The following KCNN3 variants were observed in gnomAD, a reference collection of about 807,000 sequenced individuals.
KCNN3 encodes the protein small conductance calcium-activated potassium channel protein 3.
In KCNN3, 16 loss-of-function variants were observed where a neutral mutation model predicts 62.9. The ratio of observed to expected loss-of-function variants is 0.25; its 90% CI spans 0.17 to 0.39. The LOEUF is 0.39. Ranked by LOEUF, KCNN3 falls within the 10% of genes least tolerant of loss-of-function variation. The pLI is 1.00. For synonymous variants in KCNN3, 370 were observed against 389.2 expected (o/e 0.95, Z 0.58); for missense variants, 599 against 949.4 (o/e 0.63, Z 4.85).
intron 7 of KCNN3, among the ~76,000 whole-genome samples, chr1:154,712,260 C>T (rs1465589248): frequency 6.6e-6 from 1 of 152,124 alleles, no homozygotes; most frequent in Non-Finnish European, 1.5e-5. Flanking sequence ...TAAACCTAGT[C>T]CCAGCGGGTT....
intron 1 of KCNN3, among the ~76,000 whole-genome samples, chr1:154,825,387 A>G (rs1179870399): frequency 2.2e-5 from 3 of 133,718 alleles, no homozygotes; most frequent in Non-Finnish European, 4.7e-5. Flanking sequence ...TTTTTTTGAG[A>G]CAGAGTCTTG....
chr1:154,822,953 C>A (rs111981849), intron 1 of KCNN3, among the ~76,000 whole-genome samples: 3 of 152,322 alleles, frequency 2.0e-5, no homozygotes, highest in South Asian at 2.1e-4. Flanking sequence ...CCCAGCCCTG[C>A]GACAGCCATT....
At chr1:154,734,400 C>T (rs1316390797) in intron 3 of KCNN3, among the ~76,000 whole-genome samples, 1 of 152,198 alleles carries the variant, frequency 6.6e-6, no homozygotes, top group African/African-American at 2.4e-5. Context: ...ATTTAGGAAC[C>T]TTAATCTATG....
At chr1:154,784,203 C>T (rs1649181485) in intron 2 of KCNN3, among the ~76,000 whole-genome samples, 2 of 152,156 alleles carry the variant, frequency 1.3e-5, no homozygotes, top group Non-Finnish European at 2.9e-5. Context: ...ATGTGCTCCA[C>T]CCCAGCCATC....
chr1:154,774,422 T>A (rs184841094), intron 2 of KCNN3, among the ~76,000 whole-genome samples: 4 of 152,348 alleles, frequency 2.6e-5, no homozygotes, highest in Non-Finnish European at 4.4e-5. Flanking sequence ...GGACTTCACA[T>A]CCTTCCCCTC....
chr1:154,754,711 C>A (rs982971657), intron 3 of KCNN3, among the ~76,000 whole-genome samples: 1 of 152,190 alleles, frequency 6.6e-6, no homozygotes, highest in East Asian at 1.9e-4. Flanking sequence ...AAGGAGCCTG[C>A]GTCCCTGATG....
intron 6 of KCNN3, 57 bp downstream of exon 6, chr1:154,714,819 G>T: frequency 6.2e-7 from 1 of 1,608,630 alleles, no homozygotes; most frequent in African/African-American, 1.3e-5. Context: ...AGAGTTGTAG[G>T]AGTCCCGCCA....
intron 3 of KCNN3, among the ~76,000 whole-genome samples, chr1:154,735,140 G>A (rs917940961): frequency 2.6e-5 from 4 of 152,196 alleles, no homozygotes; most frequent in Admixed American, 6.5e-5. Context: ...AAGAATGGTC[G>A]GCGGGTGGCG....
At chr1:154,723,024 C>T (rs755129430) in intron 5 of KCNN3, among the ~76,000 whole-genome samples, 4 of 152,194 alleles carry the variant, frequency 2.6e-5, no homozygotes, top group Non-Finnish European at 5.9e-5. Context: ...GCCACCGCAC[C>T]CGGCTGCTTA....
In KCNN3 at chr1:154,734,532, G is replaced by A. The variant is rs536407238; in HGVS notation, c.1449-1388C>T. ...CATCAGGAATCTCCATGCCCCCACA[G>A]GGTCTGTGCCCAGCGAGTGATAGGC... is the stretch of plus-strand genomic sequence containing the variant. On this transcript the variant is annotated intron_variant, in intron 3 of 7. Transcript: ENST00000271915. 2.0e-5 allele frequency among the ~76,000 whole-genome samples: 3 copies of A among 152,314 alleles called. No individual in the cohort carries two copies. In the East Asian group the frequency reaches 5.8e-4, roughly 29 times the overall value.
chr1:154,741,512 A>C lies in KCNN3; in HGVS notation c.1449-8368T>G, dbSNP rs918210574. 6.6e-5 allele frequency among the ~76,000 whole-genome samples: 10 copies of C among 152,330 alleles called. No individual in the cohort carries two copies. In the East Asian group the frequency reaches 1.7e-3, roughly 26 times the overall value. On this transcript the variant is annotated intron_variant, in intron 3 of 7. Coordinates refer to ENST00000271915, the MANE Select transcript of KCNN3 (RefSeq NM_002249.6). ...AATGATTTCAGCTGTTCTCTTCAGC[A>C]GATTAAACCTTTGTCAAGGTGGCTG...
rs866979236 is a variant in KCNN3, at chr1:154,869,716, A to C, written c.249T>G (p.His83Gln). 5.3e-6 allele frequency: 3 copies of C among 571,012 alleles called. No homozygotes were observed. In the East Asian group the frequency reaches 1.8e-4, roughly 34 times the overall value. The allele number at this position is 571,012 out of a possible 1,614,324, so 35.4% of individuals were successfully genotyped here. A position where few individuals can be genotyped will look rare whatever the true frequency, so the allele number is the denominator to read the frequency against. ...QQQQQQQQPP[H>Q]PLSQLAQLQS... ...GGAGTTGGGCGAGCTGAGACAGGGGATGCGGTGGCTGCTGCTGCTGCTGCT... is the reference window on the plus strand; with the variant it reads ...GGAGTTGGGCGAGCTGAGACAGGGGCTGCGGTGGCTGCTGCTGCTGCTGCT... Residue 83 changes from histidine (H) to glutamine (Q), a missense_variant, in exon 1 of 8, where the codon CAT (histidine) becomes CAG (glutamine). By Grantham distance (24) the His-to-Gln change is conservative. Around this residue, in one of 7 missense-constraint regions of KCNN3, gnomAD observed 112 missense variants for 142.9 expected, o/e 0.78. Coordinates refer to ENST00000271915, the MANE Select transcript of KCNN3 (RefSeq NM_002249.6). This position sits in a 1 kb window ranked among gnomAD's most constrained non-coding sequence, Gnocchi z 6.1.
At chr1:154,827,906 C>T (rs1651203939) in intron 1 of KCNN3, among the ~76,000 whole-genome samples, 1 of 152,166 alleles carries the variant, frequency 6.6e-6, no homozygotes, top group African/African-American at 2.4e-5. Context: ...CAGAAGTCAG[C>T]TAACAGAATC....
chr1:154,818,209 G>A (rs1557991276), intron 2 of KCNN3, among the ~76,000 whole-genome samples: 2 of 152,228 alleles, frequency 1.3e-5, no homozygotes, highest in Non-Finnish European at 2.9e-5. Context: ...GGGAGACTGA[G>A]GAGAGATGGG....
intron 7 of KCNN3, among the ~76,000 whole-genome samples, chr1:154,709,409 C>A (rs951838092): frequency 2.6e-5 from 4 of 152,068 alleles, no homozygotes; most frequent in Non-Finnish European, 4.4e-5. Context: ...GCCAGTGACA[C>A]CCCGATCCTA....
chr1:154,787,142 G>A (rs968521484), intron 2 of KCNN3, among the ~76,000 whole-genome samples: 6 of 152,220 alleles, frequency 3.9e-5, no homozygotes, highest in Non-Finnish European at 7.3e-5. Context: ...ATTAAACAAG[G>A]CACTTATTTC....
At chr1:154,791,444 C>T (rs1256053819) in intron 2 of KCNN3, among the ~76,000 whole-genome samples, 1 of 152,018 alleles carries the variant, frequency 6.6e-6, no homozygotes, top group African/African-American at 2.4e-5. Context: ...GGCTGCCTCC[C>T]GCTGGCTGTG....
At chr1:154,800,619 C>T (rs1002437065) in intron 2 of KCNN3, among the ~76,000 whole-genome samples, 2 of 152,130 alleles carry the variant, frequency 1.3e-5, no homozygotes, top group African/African-American at 2.4e-5. Flanking sequence ...GACACTGGCA[C>T]CTCCTACCTG....
Position 154,869,211 on chromosome 1 carries a change from T to C in KCNN3, c.754A>G (p.Ser252Gly). ...NHQHAGTTAS[S>G]TTFPKANKRK... is the part of the protein sequence containing the mutation. Reference sequence around the variant, plus strand: ...TTGTTGGCTTTGGGGAAGGTGGTGCTGCTGGCGGTGGTGCCGGCATGCTGG... The same window carrying C: ...TTGTTGGCTTTGGGGAAGGTGGTGCCGCTGGCGGTGGTGCCGGCATGCTGG... The change falls in exon 1 of 8, where the codon AGC (serine) becomes GGC (glycine). Residue 252 changes from serine to glycine, a missense_variant. Ser to Gly is a moderately conservative substitution (Grantham distance 56). Coordinates refer to ENST00000271915, the MANE Select transcript of KCNN3 (RefSeq NM_002249.6). The surrounding 1 kb of genome is among the most constrained non-coding windows in gnomAD (Gnocchi z 6.1). The C allele has an allele frequency of 6.2e-7, 1 of 1,614,170 alleles. No individual in the cohort carries two copies. Among genetic ancestry groups the C allele is most frequent in the Non-Finnish European group, 8.5e-7 (1 of 1,180,032 alleles).
Sources: gnomAD v4.1 joint callset for allele counts (sites outside exome capture counted in the v4.1 genomes callset) on GRCh38, gnomAD v4.1.1 for gene constraint, gnomAD v4.1.1 regional missense constraint, Gnocchi (gnomAD v3.1) non-coding constraint, MANE v1.5 for transcripts, NCBI Gene and HGNC (gene_info 2026-07-23, HGNC 2026-07-21) for gene names.